Variants in AQP7B observed in about 807,000 individuals in gnomAD.
AQP7B encodes the protein putative aquaporin-7B.
chr2:94,599,327 G>T, the AQP7B span, among the ~76,000 whole-genome samples: 4 of 152,108 alleles, frequency 2.6e-5, no homozygotes, highest in East Asian at 3.9e-4. Flanking sequence ...GGGCTCCCCT[G>T]CTTCTGTCCT....
chr2:94,588,940 C>G, the AQP7B span, among the ~76,000 whole-genome samples: 2 of 151,744 alleles, frequency 1.3e-5, no homozygotes, highest in East Asian at 1.9e-4. Flanking sequence ...GCCCCCTGCT[C>G]TCCCTCCTCC....
chr2:94,588,973 G>GTTT, the AQP7B span, among the ~76,000 whole-genome samples: 2 of 140,954 alleles, frequency 1.4e-5, no homozygotes, highest in African/African-American at 5.2e-5. Context: ...TTTCTTTTCT[G>GTTT]TTTTTTTTTC....
the AQP7B span, chr2:94,602,695 C>A: frequency 7.1e-7 from 1 of 1,408,270 alleles, no homozygotes; most frequent in Non-Finnish European, 9.8e-7. Flanking sequence ...TCAGCCAGCT[C>A]CTTTCCCAGC....
chr2:94,603,709 C>A, the AQP7B span: 3 of 1,461,726 alleles, frequency 2.1e-6, no homozygotes, highest in South Asian at 4.0e-5. Flanking sequence ...ATCTGCTCCT[C>A]AGGAGTGGCT....
the AQP7B span, among the ~76,000 whole-genome samples, chr2:94,598,149 G>A: frequency 6.6e-6 from 1 of 152,238 alleles, no homozygotes; most frequent in African/African-American, 2.4e-5. Context: ...TGAGGTGTAA[G>A]CCTATATCGG....
chr2:94,594,132 A>G, the AQP7B span, among the ~76,000 whole-genome samples: 3 of 151,236 alleles, frequency 2.0e-5, no homozygotes, highest in South Asian at 6.3e-4. Context: ...TCATTCACTC[A>G]CTCTCTCACA....
At chr2:94,597,915 G>T in the AQP7B span, among the ~76,000 whole-genome samples, 1 of 152,116 alleles carries the variant, frequency 6.6e-6, no homozygotes, top group Admixed American at 6.6e-5. Flanking sequence ...CAATATCACA[G>T]TCTTGACCCT....
chr2:94,598,942 A>G, the AQP7B span, among the ~76,000 whole-genome samples: 1 of 152,122 alleles, frequency 6.6e-6, no homozygotes, highest in African/African-American at 2.4e-5. Flanking sequence ...AGCTGGGATT[A>G]CAGGCATGTG....
the AQP7B span, among the ~76,000 whole-genome samples, chr2:94,587,893 G>T: frequency 6.6e-6 from 1 of 152,090 alleles, no homozygotes; most frequent in Non-Finnish European, 1.5e-5. Context: ...AAGAGTCTGT[G>T]CTGGAGCTAG....
At chr2:94,592,579 A>T in the AQP7B span, among the ~76,000 whole-genome samples, 2 of 151,940 alleles carry the variant, frequency 1.3e-5, no homozygotes, top group Non-Finnish European at 2.9e-5. Flanking sequence ...CAGCCCAAAG[A>T]CAGTCCTGGG....
chr2:94,604,393 G>T, the AQP7B span: 1 of 1,611,548 alleles, frequency 6.2e-7, no homozygotes, highest in Non-Finnish European at 8.5e-7. Context: ...TCCCACGGGA[G>T]CCCCTGAAAT....
At chr2:94,603,309 C>T in the AQP7B span, 1 of 1,499,202 alleles carries the variant, frequency 6.7e-7, no homozygotes, top group Non-Finnish European at 9.2e-7. Context: ...ACCCTCTAAC[C>T]TATAACCTCA....
chr2:94,600,650 G>A, the AQP7B span, among the ~76,000 whole-genome samples: 1 of 152,174 alleles, frequency 6.6e-6, no homozygotes, highest in Non-Finnish European at 1.5e-5. Context: ...GGCCAAGGCA[G>A]GCTGATCATA....
the AQP7B span, chr2:94,603,578 T>G: frequency 6.9e-7 from 1 of 1,458,406 alleles, no homozygotes. Context: ...TCCCTCCAGA[T>G]AGACAGGACA....
the AQP7B span, chr2:94,604,369 C>T: frequency 1.9e-6 from 3 of 1,611,510 alleles, no homozygotes; most frequent in Non-Finnish European, 2.5e-6. Context: ...ACCTGGTCTT[C>T]ATTGGCTCCA....
chr2:94,602,453 T>A, the AQP7B span: 1 of 1,583,012 alleles, frequency 6.3e-7, no homozygotes, highest in Non-Finnish European at 8.6e-7. Context: ...AGGTTGGGGC[T>A]TCTGGGCAGG....
the AQP7B span, chr2:94,604,038 C>T: frequency 1.3e-3 from 1,027 of 761,510 alleles, 3 homozygotes; most frequent in South Asian, 2.9e-3. Flanking sequence ...TGCAGAGCCC[C>T]CAGGTGGCCT....
At chr2:94,597,129 C>T in the AQP7B span, among the ~76,000 whole-genome samples, 1 of 152,198 alleles carries the variant, frequency 6.6e-6, no homozygotes, top group Admixed American at 6.5e-5. Flanking sequence ...TGTCTCCTCT[C>T]TGCCTCTGGC....
the AQP7B span, among the ~76,000 whole-genome samples, chr2:94,591,548 C>T: frequency 1.3e-5 from 2 of 152,160 alleles, no homozygotes; most frequent in African/African-American, 2.4e-5. Flanking sequence ...GCAGGGGAGG[C>T]AGCTCTCCTG....
Sources: allele counts gnomAD v4.1 joint callset (sites outside exome capture counted in the v4.1 genomes callset), GRCh38; gene constraint gnomAD v4.1.1; transcripts MANE v1.5; gene names NCBI Gene and HGNC (gene_info 2026-07-23, HGNC 2026-07-21).